COL25A1: variants seen among roughly 807,000 people sequenced by gnomAD.
COL25A1 encodes the protein collagen type XXV alpha 1 chain.
A neutral mutation model predicts 128.4 loss-of-function variants in COL25A1; 103 were observed. The ratio of observed to expected loss-of-function variants is 0.80; its 90% CI spans 0.68 to 0.94. COL25A1 has a LOEUF of 0.94. COL25A1 is among the 40% of genes least tolerant of loss of function. The pLI is 0.00. For synonymous variants in COL25A1, 279 were observed against 277.2 expected (o/e 1.01, Z -0.06); for missense variants, 745 against 840.0 (o/e 0.89, Z 1.40).
At position 109,097,662 on chromosome 4, in the gene COL25A1, ATTT is replaced by A. The variant is rs780098779; in HGVS notation, c.368-47486_368-47484del. ...ATTATGTTATCTTAGGTAAACATCA[ATTT>A]TTTTTTTTTTTTTTTTGAGACAGAG... On this transcript the variant is annotated intron_variant, in intron 3 of 37. Transcript: ENST00000399132. Among the ~76,000 whole-genome samples the A allele has an allele frequency of 3.8e-4, 47 of 124,620 alleles. No homozygotes were observed. The South Asian group carries it at 0.01, about 27-fold the overall frequency. The allele number at this position is 124,620 out of a possible 152,430, so 81.8% of individuals were successfully genotyped here. A position where few individuals can be genotyped will look rare whatever the true frequency, so the allele number is the denominator to read the frequency against.
chr4:109,142,721 G>C (rs1770535838), intron 3 of COL25A1, among the ~76,000 whole-genome samples: 1 of 151,748 alleles, frequency 6.6e-6, no homozygotes, highest in Non-Finnish European at 1.5e-5. Flanking sequence ...CAGACACTAG[G>C]ATTGCAATCC....
chr4:109,195,343 T>C (rs1363612834), intron 3 of COL25A1, among the ~76,000 whole-genome samples: 3 of 152,184 alleles, frequency 2.0e-5, no homozygotes, highest in East Asian at 1.9e-4. Flanking sequence ...TTTTATTTCA[T>C]TGAAATACTG....
At chr4:108,874,682 C>T (rs917350608) in intron 19 of COL25A1, among the ~76,000 whole-genome samples, 1 of 152,092 alleles carries the variant, frequency 6.6e-6, no homozygotes, top group Non-Finnish European at 1.5e-5. Flanking sequence ...TAAAGTAGGA[C>T]ATTTTCTGAA....
rs150860355 is a variant in COL25A1, at chr4:108,967,031, A to C, written c.492+7336T>G. On this transcript the variant is annotated intron_variant, in intron 8 of 37. Transcript: ENST00000399132. ...ACTTACAGCATTACTTTACAGGATA[A>C]ATGAGAGAATACATGGAAAATGTAG... Among the ~76,000 whole-genome samples the C allele has an allele frequency of 2.0e-3, 310 of 152,218 alleles. 1 individual carries two copies. The highest frequency in any genetic ancestry group is 6.8e-3 in the Middle Eastern group (2 of 294).
chr4:108,993,132 A>T (rs1754388482), intron 6 of COL25A1, among the ~76,000 whole-genome samples: 2 of 152,156 alleles, frequency 1.3e-5, no homozygotes, highest in African/African-American at 2.4e-5. Context: ...TCTTAAACTT[A>T]TTCCTCCTAG....
chr4:109,172,525 T>C (rs1017161684), intron 3 of COL25A1, among the ~76,000 whole-genome samples: 1 of 151,966 alleles, frequency 6.6e-6, no homozygotes, highest in African/African-American at 2.4e-5. Context: ...CTAAGTGTCC[T>C]GCCTGTAGGA....
At position 109,165,865 on chromosome 4, in the gene COL25A1, TAGA is replaced by T. The variant is rs575299941; in HGVS notation, c.368-115689_368-115687del. On this transcript the variant is annotated intron_variant, in intron 3 of 37. Transcript: ENST00000399132. ...AATTGCATTAAGTACAGTTTCTAAC[TAGA>T]AGAAGGCTTGTACATAAACAGTTGT... is the stretch of plus-strand genomic sequence containing the variant. Among the ~76,000 whole-genome samples, 1,013 of 152,356 alleles carry T rather than the reference TAGA, an allele frequency of 6.6e-3. 9 individuals are homozygous for T. The highest frequency in any genetic ancestry group is 0.012 in the Non-Finnish European group (807 of 68,036).
At chr4:108,926,061 T>C (rs1406699062) in intron 11 of COL25A1, among the ~76,000 whole-genome samples, 1 of 152,130 alleles carries the variant, frequency 6.6e-6, no homozygotes, top group Admixed American at 6.6e-5. Context: ...AACAAAAAAA[T>C]AACACAGAAA....
chr4:109,176,261 A>G (rs1211947900), intron 3 of COL25A1, among the ~76,000 whole-genome samples: 1 of 152,136 alleles, frequency 6.6e-6, no homozygotes, highest in Admixed American at 6.5e-5. Flanking sequence ...ATGGTGGTGC[A>G]TACTTGTAGT....
intron 5 of COL25A1, among the ~76,000 whole-genome samples, chr4:109,015,436 AT>A (rs1249491644): frequency 5.9e-5 from 9 of 152,312 alleles, no homozygotes; most frequent in African/African-American, 2.2e-4. Context: ...TGAAAAGATC[AT>A]TTTTCCCAAG....
chr4:109,026,944 G>T (rs1758356243), intron 5 of COL25A1, among the ~76,000 whole-genome samples: 1 of 152,204 alleles, frequency 6.6e-6, no homozygotes, highest in African/African-American at 2.4e-5. Flanking sequence ...GGCAGAAAAT[G>T]GATGTATTCC....
intron 3 of COL25A1, among the ~76,000 whole-genome samples, chr4:109,197,640 A>T (rs1457859830): frequency 6.7e-6 from 1 of 149,852 alleles, no homozygotes; most frequent in Non-Finnish European, 1.5e-5. Flanking sequence ...CCTGTAACTT[A>T]TTTTCATAGC....
intron 11 of COL25A1, among the ~76,000 whole-genome samples, chr4:108,933,170 C>T (rs1746960660): frequency 6.6e-6 from 1 of 152,148 alleles, no homozygotes; most frequent in South Asian, 2.1e-4. Context: ...AATTCCCTAC[C>T]TGAGACACTC....
intron 5 of COL25A1, among the ~76,000 whole-genome samples, chr4:109,024,964 T>A (rs1758116446): frequency 6.6e-6 from 1 of 152,088 alleles, no homozygotes; most frequent in Non-Finnish European, 1.5e-5. Context: ...CGAGAAGAGG[T>A]CATGACTCCA....
intron 6 of COL25A1, among the ~76,000 whole-genome samples, chr4:109,000,234 T>C (rs371444128): frequency 6.6e-6 from 1 of 152,168 alleles, no homozygotes; most frequent in African/African-American, 2.4e-5. Flanking sequence ...GTGATTGCTA[T>C]GGACTAGGCA....
chr4:108,888,297 A>G (rs1741063494), intron 18 of COL25A1, among the ~76,000 whole-genome samples: 1 of 152,194 alleles, frequency 6.6e-6, no homozygotes, highest in Non-Finnish European at 1.5e-5. Flanking sequence ...CCAAAATACA[A>G]GAAGGGATTT....
At chr4:109,132,346 G>A (rs182949419) in intron 3 of COL25A1, among the ~76,000 whole-genome samples, 2 of 152,196 alleles carry the variant, frequency 1.3e-5, no homozygotes, top group Non-Finnish European at 2.9e-5. Flanking sequence ...CAAAGAGGCT[G>A]CTTCCCATAC....
intron 3 of COL25A1, among the ~76,000 whole-genome samples, chr4:109,080,909 T>C (rs1293004958): frequency 2.6e-5 from 4 of 152,216 alleles, no homozygotes; most frequent in African/African-American, 9.6e-5. Flanking sequence ...ACGCCAAGCA[T>C]TGTGCTAGAT....
chr4:109,144,898 T>C (rs1292748603), intron 3 of COL25A1, among the ~76,000 whole-genome samples: 1 of 152,184 alleles, frequency 6.6e-6, no homozygotes, highest in East Asian at 1.9e-4. Context: ...AACTGCACAA[T>C]TGTTTCAGGT....
Sources: gnomAD v4.1 joint callset for allele counts (sites outside exome capture counted in the v4.1 genomes callset) on GRCh38, gnomAD v4.1.1 for gene constraint, MANE v1.5 for transcripts, NCBI Gene and HGNC (gene_info 2026-07-23, HGNC 2026-07-21) for gene names.